STK38: variants seen among roughly 807,000 people sequenced by gnomAD.
The protein encoded by STK38 is serine/threonine kinase 38.
In STK38, 26 loss-of-function variants were observed where a neutral mutation model predicts 59.0. The observed-to-expected ratio is 0.44, with a 90% CI of 0.32 to 0.61. The LOEUF is 0.61. Among genes scored for constraint, STK38 ranks in the 20% least tolerant of loss-of-function variants. The pLI, the probability that STK38 is intolerant of heterozygous loss-of-function variation, is 0.04. For missense variants in STK38, 433 were observed against 566.0 expected (o/e 0.76, Z 2.38); for synonymous variants, 175 against 176.6 (o/e 0.99, Z 0.07).
intron 1 of STK38, 52 bp from the exon 2 acceptor site, chr6:36,540,259 G>T (rs6913714): frequency 0.21 from 329,851 of 1,593,698 alleles, 36,373 homozygotes; most frequent in East Asian, 0.43. Flanking sequence ...AATCCACCCA[G>T]TGTGCACTCT....
At chr6:36,518,777 A>C (rs1480089213) in intron 5 of STK38, among the ~76,000 whole-genome samples, 1 of 152,180 alleles carries the variant, frequency 6.6e-6, no homozygotes, top group Non-Finnish European at 1.5e-5. Flanking sequence ...TCAGATCTAA[A>C]TTTATTAAGA....
Position 36,515,411 on chromosome 6 carries a change from G to A in STK38, c.596C>T (p.Ala199Val). Reference sequence around the variant, plus strand: ...TCCAAGTTGGTGAATAGAGTCTATGGCTAATACTGTTTCTGCTATATAAAA... The same window carrying A: ...TCCAAGTTGGTGAATAGAGTCTATGACTAATACTGTTTCTGCTATATAAAA... ...TQFYIAETVL[A>V]IDSIHQLGFI... Residue 199 changes from alanine to valine, a missense_variant, in exon 7 of 14, where the codon GCC (alanine) becomes GTC (valine). Ala to Val is a moderately conservative substitution (Grantham distance 64). Coordinates refer to ENST00000229812, the MANE Select transcript of STK38 (RefSeq NM_007271.4). 5 of 1,613,870 alleles carry A rather than the reference G, an allele frequency of 3.1e-6. No homozygotes were observed. The highest frequency in any genetic ancestry group is 4.2e-6 in the Non-Finnish European group (5 of 1,179,984).
intron 4 of STK38, among the ~76,000 whole-genome samples, chr6:36,523,790 G>A (rs1190632344): frequency 1.3e-5 from 2 of 152,074 alleles, no homozygotes; most frequent in African/African-American, 4.8e-5. Flanking sequence ...ACTCCTTTCT[G>A]TAAATCCTCC....
At chr6:36,529,148 G>A (rs368148433) in intron 2 of STK38, among the ~76,000 whole-genome samples, 9 of 152,250 alleles carry the variant, frequency 5.9e-5, no homozygotes, top group African/African-American at 2.2e-4. Flanking sequence ...AGGAATTACT[G>A]TTAACTTGGT....
At chr6:36,519,640 T>A (rs896706223) in intron 5 of STK38, among the ~76,000 whole-genome samples, 2 of 149,104 alleles carry the variant, frequency 1.3e-5, no homozygotes, top group Non-Finnish European at 3.0e-5. Flanking sequence ...TGGCTGAATA[T>A]AGATTAAGGG....
intron 12 of STK38, among the ~76,000 whole-genome samples, chr6:36,497,502 G>C (rs556269618): frequency 6.6e-6 from 1 of 152,334 alleles, no homozygotes; most frequent in African/African-American, 2.4e-5. Context: ...CTGAGTTCTA[G>C]GTAAAGGGTA....
At chr6:36,513,725 A>C (rs78449499) in intron 7 of STK38, among the ~76,000 whole-genome samples, 5,069 of 151,880 alleles carry the variant, frequency 0.033, 294 homozygotes, top group African/African-American at 0.11. Context: ...TGAAGAAAAA[A>C]GCAGGTGGTG....
chr6:36,523,390 G>A (rs1420336984), intron 4 of STK38, among the ~76,000 whole-genome samples: 1 of 151,528 alleles, frequency 6.6e-6, no homozygotes, highest in African/African-American at 2.4e-5. Context: ...AGCCTCCTGA[G>A]TAGCTGGGAT....
chr6:36,517,622 C>A, intron 6 of STK38, 95 bp downstream of exon 6: 2 of 1,497,014 alleles, frequency 1.3e-6, no homozygotes, highest in Non-Finnish European at 9.0e-7. Flanking sequence ...ACTTTGTGAG[C>A]ACATTTAAAA....
chr6:36,538,179 C>T (rs989330476), intron 2 of STK38, among the ~76,000 whole-genome samples: 2 of 151,982 alleles, frequency 1.3e-5, no homozygotes, highest in Admixed American at 6.6e-5. Context: ...TGGCAAGCGC[C>T]TGTAGTCCCA....
At position 36,543,361 on chromosome 6, in the gene STK38, G is replaced by A. The variant is rs853887; in HGVS notation, c.-5-3154C>T. On this transcript the variant is annotated intron_variant, in intron 1 of 13. Coordinates refer to ENST00000229812, the MANE Select transcript of STK38 (RefSeq NM_007271.4). ...ATTACAGGCGTGAGCCACCATGCCC[G>A]GCCAATAGTGCTCAATATTTTATTC... 6.7e-3 allele frequency among the ~76,000 whole-genome samples: 1,025 copies of A among 151,924 alleles called. 5 individuals are homozygous for A. Among genetic ancestry groups the A allele is most frequent in the African/African-American group, 0.019 (796 of 41,432 alleles).
In STK38 at chr6:36,527,228, A is replaced by T. The variant is rs907303497; in HGVS notation, c.132-1586T>A. 7.5e-4 allele frequency among the ~76,000 whole-genome samples: 107 copies of T among 143,346 alleles called. 2 individuals are homozygous for T. The highest frequency in any genetic ancestry group is 2.5e-3 in the African/African-American group (97 of 38,696). 94.0% of individuals were successfully genotyped at this position (143,346 alleles called of 152,430 possible). On this transcript the variant is annotated intron_variant, in intron 2 of 13. Transcript: ENST00000229812. ...AAAAAATATATGTATATATATATAT[A>T]TTTATATGTATATACACATGTATAC...
intron 2 of STK38, among the ~76,000 whole-genome samples, chr6:36,539,417 G>C (rs1006247673): frequency 7.9e-5 from 12 of 151,282 alleles, no homozygotes; most frequent in African/African-American, 2.9e-4. Context: ...AATAAATTAT[G>C]AGTTACTAAG....
chr6:36,496,621 G>T (rs1776709343), intron 13 of STK38, 90 bp downstream of exon 13: 1 of 931,196 alleles, frequency 1.1e-6, no homozygotes, highest in Non-Finnish European at 1.7e-6. Context: ...TCCTCTCCAT[G>T]TTCACTACCC....
intron 1 of STK38, among the ~76,000 whole-genome samples, chr6:36,543,472 CTG>C (rs1166418652): frequency 6.6e-6 from 1 of 152,094 alleles, no homozygotes; most frequent in Non-Finnish European, 1.5e-5. Context: ...AGGCTGAACA[CTG>C]TGGTTCATGC....
At chr6:36,500,655 G>A (rs1409033296) in intron 9 of STK38, among the ~76,000 whole-genome samples, 1 of 151,090 alleles carries the variant, frequency 6.6e-6, no homozygotes, top group Non-Finnish European at 1.5e-5. Context: ...AGCTTCTCGG[G>A]AGGCTGAGGC....
intron 7 of STK38, among the ~76,000 whole-genome samples, chr6:36,514,909 T>A (rs1020037841): frequency 3.5e-4 from 53 of 151,722 alleles, no homozygotes; most frequent in Non-Finnish European, 5.9e-4. Context: ...GAGCATGATT[T>A]GGAACCTGGA....
intron 1 of STK38, among the ~76,000 whole-genome samples, chr6:36,544,592 A>G (rs1019063343): frequency 6.6e-6 from 1 of 152,250 alleles, no homozygotes; most frequent in Non-Finnish European, 1.5e-5. Flanking sequence ...CAACATAAAA[A>G]TGTAACAATT....
chr6:36,523,265 G>GTTT (rs1214353764), intron 4 of STK38, among the ~76,000 whole-genome samples: 1 of 113,642 alleles, frequency 8.8e-6, no homozygotes, highest in Non-Finnish European at 1.9e-5. Context: ...CAGGTTTTTT[G>GTTT]TTTTTTTTTT....
Sources: gnomAD v4.1 joint callset for allele counts (sites outside exome capture counted in the v4.1 genomes callset) on GRCh38, gnomAD v4.1.1 for gene constraint, MANE v1.5 for transcripts, NCBI Gene and HGNC (gene_info 2026-07-23, HGNC 2026-07-21) for gene names.